TENM2: variants seen among roughly 807,000 people sequenced by gnomAD.
TENM2 encodes the protein teneurin-2.
A neutral mutation model predicts 245.2 loss-of-function variants in TENM2; 52 were observed. The ratio of observed to expected loss-of-function variants is 0.21; its 90% CI spans 0.17 to 0.27. TENM2 has a LOEUF of 0.27. Ranked by LOEUF, TENM2 falls within the 10% of genes least tolerant of loss-of-function variation. The pLI, the probability that TENM2 is intolerant of heterozygous loss-of-function variation, is 1.00. For synonymous variants in TENM2, 1,363 were observed against 1,438.9 expected (o/e 0.95, Z 1.19); for missense variants, 3,046 against 3,666.8 (o/e 0.83, Z 4.37).
intron 2 of TENM2, among the ~76,000 whole-genome samples, chr5:167,514,613 C>G (rs1227055880): frequency 1.3e-5 from 2 of 152,206 alleles, no homozygotes; most frequent in African/African-American, 4.8e-5. Flanking sequence ...AGAGATCCCA[C>G]TGGAAGCTTC....
intron 2 of TENM2, among the ~76,000 whole-genome samples, chr5:167,476,646 TG>T (rs1157279082): frequency 6.6e-6 from 1 of 152,188 alleles, no homozygotes; most frequent in East Asian, 1.9e-4. Context: ...TTGCCCAGGC[TG>T]GGGTGCAATG....
At chr5:167,054,618 A>T in the TENM2 span, among the ~76,000 whole-genome samples, 1 of 152,180 alleles carries the variant, frequency 6.6e-6, no homozygotes, top group Non-Finnish European at 1.5e-5. Context: ...CTGTCTTCCA[A>T]AGTGGCTGTA....
At chr5:167,620,912 T>A (rs1778123714) in intron 2 of TENM2, among the ~76,000 whole-genome samples, 2 of 152,128 alleles carry the variant, frequency 1.3e-5, no homozygotes, top group Non-Finnish European at 1.5e-5. Flanking sequence ...TACAACCAGC[T>A]CTGAATAATT....
chr5:167,518,080 C>T (rs1171279893), intron 2 of TENM2, among the ~76,000 whole-genome samples: 1 of 151,428 alleles, frequency 6.6e-6, no homozygotes, highest in Non-Finnish European at 1.5e-5. Context: ...CCAGCTATCA[C>T]GAGGCTGAGG....
Position 167,338,174 on chromosome 5 carries a change from C to T in TENM2, c.227-37024C>T, listed in dbSNP as rs568044142. ...GGTTATTCAGCGGGCTATAGCAGAACGTTACAAAGTTTCTTATTATTGTTG... is the reference window on the plus strand; with the variant it reads ...GGTTATTCAGCGGGCTATAGCAGAATGTTACAAAGTTTCTTATTATTGTTG... On this transcript the variant is annotated intron_variant, in intron 1 of 28. Coordinates refer to ENST00000518659, the Ensembl canonical transcript of TENM2. 2.3e-4 allele frequency among the ~76,000 whole-genome samples: 35 copies of T among 152,288 alleles called. 1 individual carries two copies. The highest frequency in any genetic ancestry group is 4.0e-4 in the Non-Finnish European group (27 of 68,014).
chr5:167,203,374 C>G, the TENM2 span, among the ~76,000 whole-genome samples: 1 of 152,156 alleles, frequency 6.6e-6, no homozygotes, highest in Admixed American at 6.5e-5. Flanking sequence ...TCTCTCCGAC[C>G]ACATACTCTC....
rs1474056093 is a variant in TENM2 at position 167,657,957 on chromosome 5, T to G, written c.503-218029T>G. On this transcript the variant is annotated intron_variant, in intron 2 of 28. Transcript: ENST00000518659. ...TCTTCCAGATGCACTGAACCTAACTTTCTGGGTTTGAAGTCTGAAAGTCTG... is the reference window on the plus strand; with the variant it reads ...TCTTCCAGATGCACTGAACCTAACTGTCTGGGTTTGAAGTCTGAAAGTCTG... Among the ~76,000 whole-genome samples, 8 of 152,182 alleles carry G rather than the reference T, an allele frequency of 5.3e-5. 1 individual carries two copies. The highest frequency in any genetic ancestry group is 1.9e-4 in the African/African-American group (8 of 41,444).
chr5:167,850,807 G>A (rs1770508330), intron 2 of TENM2, among the ~76,000 whole-genome samples: 1 of 152,118 alleles, frequency 6.6e-6, no homozygotes, highest in Non-Finnish European at 1.5e-5. Context: ...TCCAAGGGCT[G>A]GCTTCATTTT....
In TENM2 at chr5:167,885,031, T is replaced by G. The variant is rs556080836; in HGVS notation, c.712+8836T>G. ...GTTCTTTTCATGTGCTTATTGCCTG[T>G]TTTTATATCTTCTTTGAAGAAACGT... On this transcript the variant is annotated intron_variant, in intron 3 of 28. Transcript: ENST00000518659. Among the ~76,000 whole-genome samples, 45 of 152,342 alleles carry G rather than the reference T, an allele frequency of 3.0e-4. No homozygotes were observed. In the South Asian group the frequency reaches 8.7e-3, roughly 29 times the overall value.
exon 4 of TENM2, chr5:167,952,811 A>G (rs1383989535): frequency 1.3e-6 from 2 of 1,556,178 alleles, no homozygotes; most frequent in East Asian, 2.4e-5. Flanking sequence ...GCAACGTGCC[A>G]CTGGAGACCC....
chr5:168,143,238 T>A (rs912021236), intron 12 of TENM2, among the ~76,000 whole-genome samples: 4 of 151,860 alleles, frequency 2.6e-5, no homozygotes, highest in African/African-American at 9.7e-5. Context: ...TGAAAAATTG[T>A]TCTAGGGGTA....
chr5:168,085,784 T>C (rs1390516006), intron 7 of TENM2, among the ~76,000 whole-genome samples: 1 of 152,208 alleles, frequency 6.6e-6, no homozygotes, highest in Non-Finnish European at 1.5e-5. Context: ...TCTCTGGATG[T>C]GACCAGAGAC....
At chr5:166,985,611 A>G in the TENM2 span, among the ~76,000 whole-genome samples, 537 of 152,220 alleles carry the variant, frequency 3.5e-3, 1 homozygote, top group African/African-American at 0.013. Flanking sequence ...GATGAAACCA[A>G]TTACTAAAGG....
the TENM2 span, among the ~76,000 whole-genome samples, chr5:167,088,683 A>G: frequency 2.0e-5 from 3 of 152,082 alleles, no homozygotes; most frequent in Admixed American, 2.0e-4. Flanking sequence ...TTTATTTTTT[A>G]ATTAATACTC....
At chr5:167,390,436 G>T (rs1045957991) in intron 2 of TENM2, among the ~76,000 whole-genome samples, 1 of 152,140 alleles carries the variant, frequency 6.6e-6, no homozygotes, top group African/African-American at 2.4e-5. Flanking sequence ...ACAGAATCGA[G>T]TAAATTATGT....
chr5:167,058,642 T>A, the TENM2 span, among the ~76,000 whole-genome samples: 13 of 151,536 alleles, frequency 8.6e-5, no homozygotes, highest in Admixed American at 1.3e-4. Context: ...TTCCAGCTAC[T>A]TGGAAGGCTG....
exon 1 of TENM2, chr5:167,284,870 G>T: frequency 1.3e-6 from 2 of 1,551,690 alleles, no homozygotes; most frequent in South Asian, 2.4e-5. Flanking sequence ...ACCGCTCTTT[G>T]ACCAGAGGAC....
At chr5:168,079,680 G>A (rs928942228) in intron 7 of TENM2, among the ~76,000 whole-genome samples, 5 of 152,024 alleles carry the variant, frequency 3.3e-5, no homozygotes, top group Non-Finnish European at 5.9e-5. Context: ...TGCATCTATT[G>A]AGATAATCAT....
intron 1 of TENM2, among the ~76,000 whole-genome samples, chr5:167,327,865 A>G (rs1757181175): frequency 6.6e-6 from 1 of 152,208 alleles, no homozygotes; most frequent in Non-Finnish European, 1.5e-5. Flanking sequence ...GTATGTTTAG[A>G]AGATCATCCT....
Sources: gnomAD v4.1 joint callset for allele counts (sites outside exome capture counted in the v4.1 genomes callset) on GRCh38, gnomAD v4.1.1 for gene constraint, MANE v1.5 for transcripts, NCBI Gene and HGNC (gene_info 2026-07-23, HGNC 2026-07-21) for gene names.